The following GPM6B variants were observed in gnomAD, a reference collection of about 807,000 sequenced individuals.
GPM6B encodes neuronal membrane glycoprotein M6-b.
Under a neutral mutation model 27.2 loss-of-function variants are expected in GPM6B, and 4 were observed. The ratio of observed to expected loss-of-function variants is 0.15; its 90% CI spans 0.07 to 0.34. The LOEUF (loss-of-function observed/expected upper bound fraction) is 0.34, where lower values mean the gene tolerates loss of function less well. Ranked by LOEUF, GPM6B falls within the 10% of genes least tolerant of loss-of-function variation. The pLI, the probability that GPM6B is intolerant of heterozygous loss-of-function variation, is 1.00. For synonymous variants in GPM6B, 124 were observed against 103.1 expected, an observed-to-expected ratio of 1.20 and a Z score of -1.23; for missense variants, 183 against 261.9, an observed-to-expected ratio of 0.70 and a Z score of 2.08.
intron 1 of GPM6B, among the ~76,000 whole-genome samples, chrX:13,830,424 G>A (rs998117419): frequency 1.8e-5 from 2 of 112,151 alleles, no homozygotes; most frequent in African/African-American, 6.5e-5. Flanking sequence ...AAATAATCCA[G>A]AAGGAAAGGG....
chrX:13,839,984 G>A (rs747997723), intron 1 of GPM6B, among the ~76,000 whole-genome samples: 2 of 111,492 alleles, frequency 1.8e-5, no homozygotes, highest in East Asian at 2.8e-4. Context: ...GGACGTACAT[G>A]GATTAGTAGA....
chrX:13,887,538 T>A (rs1226080989), intron 1 of GPM6B, among the ~76,000 whole-genome samples: 1 of 111,395 alleles, frequency 9.0e-6, no homozygotes, highest in Non-Finnish European at 1.9e-5. Context: ...GTGGGCTGCG[T>A]TTTCCCACAG....
chrX:13,920,327 A>AT (rs34027808), intron 1 of GPM6B, among the ~76,000 whole-genome samples: 41,046 of 102,274 alleles, frequency 0.4, 8,014 homozygotes, highest in Non-Finnish European at 0.55. Context: ...AAAATAGGCA[A>AT]TTTATTTGTC....
chrX:13,868,094 A>G (rs1274208152), intron 1 of GPM6B, among the ~76,000 whole-genome samples: 1 of 111,658 alleles, frequency 9.0e-6, no homozygotes, highest in African/African-American at 3.3e-5. Context: ...AAATGTCTTC[A>G]TTTCACATTC....
intron 1 of GPM6B, chrX:13,812,910 TAAAAA>T (rs764381034): frequency 1.1e-5 from 1 of 89,762 alleles, no homozygotes; most frequent in African/African-American, 4.0e-5. Context: ...TTAAATGTTC[TAAAAA>T]AAAAAAAAAA....
Position 13,782,517 on chromosome X carries a change from T to TGTTTTTG in GPM6B, c.525+841_525+847dup, listed in dbSNP as rs755115483. On this transcript the variant is annotated intron_variant, in intron 4 of 7. Coordinates refer to ENST00000316715, the MANE Select transcript of GPM6B (RefSeq NM_001001995.3). The stretch of plus-strand genomic sequence containing the variant: ...CTGTCATTTTAAAGCTGTGAGGAGA[T>TGTTTTTG]GTTTTTGGTTTTTTTTTCCTTTGGA... Among the ~76,000 whole-genome samples the TGTTTTTG allele has an allele frequency of 4.5e-5, 5 of 110,752 alleles. No homozygotes were observed. The South Asian group carries it at 1.9e-3, about 42-fold the overall frequency.
Position 13,785,614 on chromosome X carries a change from A to G in GPM6B, c.368+8T>C. The stretch of plus-strand genomic sequence containing the variant: ...TAGATGCATTTTTAAAGGGAACCGG[A>G]TACTTACACCTCGCTCAGCAAGGCA... On this transcript the variant is annotated splice_region_variant and intron_variant, in intron 3 of 7. Coordinates refer to ENST00000316715, the MANE Select transcript of GPM6B (RefSeq NM_001001995.3). 8.3e-7 allele frequency: 1 copy of G among 1,208,417 alleles called. No individual in the cohort carries two copies. Among genetic ancestry groups the G allele is most frequent in the Non-Finnish European group, 1.1e-6 (1 of 892,640 alleles).
rs547863230 is a variant in GPM6B at position 13,796,205 on chromosome X, G to A, written c.182-10397C>T. On this transcript the variant is annotated intron_variant, in intron 2 of 7. Transcript: ENST00000316715. ...CTCCCAAAGTGCTGAGATTACAGGT[G>A]TGAGCCACTGTGCCTGGCTGGCCTG... Among the ~76,000 whole-genome samples the A allele has an allele frequency of 4.5e-5, 5 of 111,173 alleles. 1 individual carries two copies. In the East Asian group the frequency reaches 8.5e-4, roughly 19 times the overall value.
chrX:13,817,737 T>A (rs764077431), upstream of GPM6B, among the ~76,000 whole-genome samples: 8 of 112,308 alleles, frequency 7.1e-5, no homozygotes, highest in African/African-American at 1.9e-4. Context: ...AACACGGATT[T>A]AACGATAGCA....
chrX:13,909,697 C>T (rs182224799), intron 1 of GPM6B, among the ~76,000 whole-genome samples: 1,123 of 111,037 alleles, frequency 0.01, 7 homozygotes, highest in Non-Finnish European at 0.017. Flanking sequence ...TTTTCTTATT[C>T]CCACTAAATA....
At chrX:13,911,251 T>C (rs1569301072) in intron 1 of GPM6B, among the ~76,000 whole-genome samples, 1 of 112,249 alleles carries the variant, frequency 8.9e-6, no homozygotes. Context: ...AGTACTGATG[T>C]GTGCACTGAG....
At chrX:13,782,775 A>G (rs1212903966) in intron 4 of GPM6B, among the ~76,000 whole-genome samples, 4 of 24,436 alleles carry the variant, frequency 1.6e-4, no homozygotes, top group Admixed American at 9.4e-4. Flanking sequence ...AAAAAAAAAG[A>G]AAAAAAAAAA....
chrX:13,920,288 AGAAAG>A (rs1569306657), intron 1 of GPM6B, among the ~76,000 whole-genome samples: 6 of 75,544 alleles, frequency 7.9e-5, no homozygotes, highest in Admixed American at 1.6e-4. Flanking sequence ...AAAAAAAAAA[AGAAAG>A]AAAGAAAGAA....
intron 1 of GPM6B, among the ~76,000 whole-genome samples, chrX:13,930,454 A>T (rs991146578): frequency 2.7e-5 from 3 of 111,362 alleles, no homozygotes; most frequent in African/African-American, 9.8e-5. Context: ...CTCTACTAAA[A>T]ATACAAAAAA....
chrX:13,831,233 T>C (rs2049436454), intron 1 of GPM6B, among the ~76,000 whole-genome samples: 1 of 100,842 alleles, frequency 9.9e-6, no homozygotes. Flanking sequence ...CACAAATGGC[T>C]TGGGGGACCC....
intron 1 of GPM6B, among the ~76,000 whole-genome samples, chrX:13,861,342 G>C (rs1296257756): frequency 9.0e-6 from 1 of 110,625 alleles, no homozygotes; most frequent in Non-Finnish European, 1.9e-5. Flanking sequence ...GGAATTGCTG[G>C]ATCAAATGGT....
chrX:13,926,219 CG>C (rs1309496575), intron 1 of GPM6B, among the ~76,000 whole-genome samples: 1 of 105,042 alleles, frequency 9.5e-6, no homozygotes, highest in East Asian at 3.0e-4. Flanking sequence ...CTGGCTAACG[CG>C]GTGAAACCCC....
chrX:13,786,543 C>T (rs751413424), intron 2 of GPM6B, among the ~76,000 whole-genome samples: 2 of 110,546 alleles, frequency 1.8e-5, no homozygotes, highest in African/African-American at 6.6e-5. Context: ...CCAGTCAGCC[C>T]AAGCAATTCA....
intron 1 of GPM6B, among the ~76,000 whole-genome samples, chrX:13,831,986 C>T (rs1001293096): frequency 9.0e-6 from 1 of 111,657 alleles, no homozygotes; most frequent in African/African-American, 3.3e-5. Context: ...CAACAGAAAT[C>T]TGATAGAGAG....
Sources: allele counts gnomAD v4.1 joint callset (sites outside exome capture counted in the v4.1 genomes callset), GRCh38; gene constraint gnomAD v4.1.1; transcripts MANE v1.5; gene names NCBI Gene and HGNC (gene_info 2026-07-23, HGNC 2026-07-21).